PPP3CB: variants seen among roughly 807,000 people sequenced by gnomAD.
PPP3CB encodes protein phosphatase 3 catalytic subunit beta.
In PPP3CB, 8 loss-of-function variants were observed where a neutral mutation model predicts 66.4. The observed-to-expected ratio is 0.12, with a 90% CI of 0.07 to 0.22. The LOEUF (loss-of-function observed/expected upper bound fraction) is 0.22. Ranked by LOEUF, PPP3CB falls within the 10% of genes least tolerant of loss-of-function variation. The pLI, the probability that PPP3CB is intolerant of heterozygous loss-of-function variation, is 1.00. For missense variants in PPP3CB, 319 were observed against 642.5 expected (o/e 0.50, Z 5.44); for synonymous variants, 208 against 221.2 (o/e 0.94, Z 0.53).
intron 1 of PPP3CB, among the ~76,000 whole-genome samples, chr10:73,485,783 G>A (rs1268569244): frequency 2.0e-5 from 3 of 151,834 alleles, no homozygotes; most frequent in South Asian, 4.2e-4. Context: ...CATCGTCGCC[G>A]GGGCTGGAAT....
intron 9 of PPP3CB, among the ~76,000 whole-genome samples, chr10:73,461,267 T>G (rs1423605570): frequency 6.6e-6 from 1 of 152,132 alleles, no homozygotes; most frequent in Non-Finnish European, 1.5e-5. Flanking sequence ...GCCAACATAG[T>G]GAAACCCTGT....
chr10:73,443,498 T>A (rs890354044), intron 12 of PPP3CB, among the ~76,000 whole-genome samples: 2 of 152,140 alleles, frequency 1.3e-5, no homozygotes, highest in African/African-American at 2.4e-5. Context: ...AACCTAATTA[T>A]GACTAAGGAA....
chr10:73,484,079 G>A (rs866846433), intron 1 of PPP3CB, among the ~76,000 whole-genome samples: 3 of 151,868 alleles, frequency 2.0e-5, no homozygotes, highest in Non-Finnish European at 4.4e-5. Flanking sequence ...TGGGGTGGAG[G>A]TTGTAGTGAG....
At chr10:73,445,075 GCAT>G (rs1269756565) in intron 11 of PPP3CB, among the ~76,000 whole-genome samples, 1 of 152,122 alleles carries the variant, frequency 6.6e-6, no homozygotes, top group African/African-American at 2.4e-5. Flanking sequence ...TCATCAAGGG[GCAT>G]CATACTATTG....
intron 13 of PPP3CB, among the ~76,000 whole-genome samples, chr10:73,438,728 C>A (rs540243746): frequency 5.8e-4 from 89 of 152,330 alleles, no homozygotes; most frequent in Admixed American, 5.9e-4. Context: ...GTCTCAGGGT[C>A]TCAGTCTGAC....
At chr10:73,445,591 G>A (rs1285734097) in intron 11 of PPP3CB, among the ~76,000 whole-genome samples, 1 of 148,510 alleles carries the variant, frequency 6.7e-6, no homozygotes, top group East Asian at 2.0e-4. Flanking sequence ...GACCACAGGT[G>A]CATGCCACCA....
At chr10:73,448,830 TGG>T in intron 10 of PPP3CB, 1 of 461,374 alleles carries the variant, frequency 2.2e-6, no homozygotes, top group South Asian at 1.6e-5. Context: ...CCCTCATATT[TGG>T]AAATTTGAAA....
intron 12 of PPP3CB, among the ~76,000 whole-genome samples, chr10:73,440,124 A>G (rs1424269215): frequency 6.6e-6 from 1 of 152,220 alleles, no homozygotes; most frequent in Non-Finnish European, 1.5e-5. Flanking sequence ...CATCACTCAG[A>G]GCACAGAACA....
At chr10:73,459,629 T>A (rs972083537) in intron 9 of PPP3CB, among the ~76,000 whole-genome samples, 9 of 152,226 alleles carry the variant, frequency 5.9e-5, no homozygotes, top group African/African-American at 1.9e-4. Context: ...TACTATTCCA[T>A]CATAAAAAGG....
intron 1 of PPP3CB, among the ~76,000 whole-genome samples, chr10:73,490,552 T>C (rs1423079866): frequency 6.6e-5 from 10 of 152,222 alleles, no homozygotes; most frequent in Admixed American, 6.5e-4. Flanking sequence ...TATGGTGAAA[T>C]GAGGTCATAT....
chr10:73,471,857 G>A (rs1332945405), intron 4 of PPP3CB, among the ~76,000 whole-genome samples: 1 of 152,150 alleles, frequency 6.6e-6, no homozygotes, highest in Non-Finnish European at 1.5e-5. Flanking sequence ...CAGAGTGAGT[G>A]AAGGGGTGAC....
intron 8 of PPP3CB, among the ~76,000 whole-genome samples, chr10:73,470,363 A>G (rs1048920407): frequency 7.2e-5 from 11 of 152,210 alleles, no homozygotes; most frequent in African/African-American, 2.2e-4. Context: ...AGCTTTATAC[A>G]AATAAGAAAA....
chr10:73,468,573 A>G (rs2056655108), intron 8 of PPP3CB, among the ~76,000 whole-genome samples: 1 of 152,230 alleles, frequency 6.6e-6, no homozygotes, highest in African/African-American at 2.4e-5. Flanking sequence ...TGCATTTCAC[A>G]TGAAAATACA....
At chr10:73,460,349 C>T (rs914448727) in intron 9 of PPP3CB, among the ~76,000 whole-genome samples, 7 of 145,428 alleles carry the variant, frequency 4.8e-5, no homozygotes, top group African/African-American at 1.5e-4. Flanking sequence ...ATTTAAAGAT[C>T]AGATAGATTT....
At chr10:73,490,937 A>G (rs1345062220) in intron 1 of PPP3CB, among the ~76,000 whole-genome samples, 1 of 148,550 alleles carries the variant, frequency 6.7e-6, no homozygotes, top group Non-Finnish European at 1.5e-5. Flanking sequence ...GGTTCAAGTG[A>G]TTCTCCTGCC....
rs765426552 is a variant in PPP3CB, at chr10:73,474,905, C to T, written c.523+14G>A. Reference sequence around the variant, plus strand: ...TACTGAGGAAGTGAAAACATTTCTTCTGGCAGTACTCACATTCCTGCTTAA... The same window carrying T: ...TACTGAGGAAGTGAAAACATTTCTTTTGGCAGTACTCACATTCCTGCTTAA... On this transcript the variant is annotated intron_variant, in intron 4 of 13. Transcript: ENST00000360663. The T allele has an allele frequency of 6.2e-6, 10 of 1,611,396 alleles. No homozygotes were observed. In the African/African-American group the frequency reaches 1.3e-4, roughly 22 times the overall value.
chr10:73,462,140 CTTTTTTTT>C (rs1019088638), intron 9 of PPP3CB, among the ~76,000 whole-genome samples: 24 of 94,218 alleles, frequency 2.5e-4, no homozygotes, highest in East Asian at 8.8e-4. Flanking sequence ...TAAACTCCTT[CTTTTTTTT>C]TTTTTTTTTT....
chr10:73,475,065 G>A lies in PPP3CB; in HGVS notation c.412-35C>T. Reference sequence around the variant, plus strand: ...AAAATTTTTCTAGTGAATTTATCTTGTACTTTTGTTTAATGAAGCTGCTTG... The same window carrying A: ...AAAATTTTTCTAGTGAATTTATCTTATACTTTTGTTTAATGAAGCTGCTTG... On this transcript the variant is annotated intron_variant, in intron 3 of 13. Transcript: ENST00000360663. 1.9e-6 allele frequency: 3 copies of A among 1,599,244 alleles called. No homozygotes were observed. The South Asian group carries it at 3.4e-5, about 18-fold the overall frequency.
intron 5 of PPP3CB, 87 bp downstream of exon 5, chr10:73,471,381 G>T: frequency 7.1e-7 from 1 of 1,415,892 alleles, no homozygotes; most frequent in Non-Finnish European, 9.6e-7. Flanking sequence ...ACCTAATCTT[G>T]GCAGTGAAGT....
Sources: gnomAD v4.1 joint callset for allele counts (sites outside exome capture counted in the v4.1 genomes callset) on GRCh38, gnomAD v4.1.1 for gene constraint, MANE v1.5 for transcripts, NCBI Gene and HGNC (gene_info 2026-07-23, HGNC 2026-07-21) for gene names.